The following ARHGAP20 variants were observed in gnomAD, a reference collection of about 807,000 sequenced individuals.
The protein encoded by ARHGAP20 is Rho GTPase activating protein 20, also known as rho GTPase-activating protein 20.
Under a neutral mutation model 73.7 loss-of-function variants are expected in ARHGAP20, and 34 were observed. The observed-to-expected ratio is 0.46, with a 90% CI of 0.35 to 0.61. ARHGAP20 has a LOEUF of 0.61. ARHGAP20 is among the 20% of genes least tolerant of loss of function. ARHGAP20 has a pLI of 0.00. For missense variants in ARHGAP20, 1,314 were observed against 1,420.9 expected (o/e 0.92, Z 1.21); for synonymous variants, 523 against 518.2 (o/e 1.01, Z -0.13).
At position 110,630,708 on chromosome 11, in the gene ARHGAP20, C is replaced by A. The variant is rs200094082; in HGVS notation, c.273G>T (p.Arg91=). The A allele has an allele frequency of 6.2e-7, 1 of 1,614,012 alleles. No homozygotes were observed. Among genetic ancestry groups the A allele is most frequent in the Admixed American group, 1.7e-5 (1 of 60,000 alleles). ...CSNRTLLIDG[R]AELKRGLQRQ... is the part of the protein sequence containing the mutation. Reference sequence around the variant, plus strand: ...TCTGGAGGCCTCTTTTGAGTTCTGCCCGGCCATCAATCAGCAGAGTCCTAT... The same window carrying A: ...TCTGGAGGCCTCTTTTGAGTTCTGCACGGCCATCAATCAGCAGAGTCCTAT... Residue 91 remains arginine (R), a synonymous_variant, in exon 3 of 15, where the codon CGG becomes CGT. Transcript: ENST00000683387.
At chr11:110,680,146 T>C (rs935356737) in intron 2 of ARHGAP20, among the ~76,000 whole-genome samples, 1 of 152,126 alleles carries the variant, frequency 6.6e-6, no homozygotes, top group African/African-American at 2.4e-5. Flanking sequence ...GCCAAATACA[T>C]TATAAAATTA....
At chr11:110,647,633 C>A (rs1357386570) in intron 2 of ARHGAP20, among the ~76,000 whole-genome samples, 2 of 151,774 alleles carry the variant, frequency 1.3e-5, no homozygotes, top group Non-Finnish European at 2.9e-5. Context: ...AAAGCCTACT[C>A]AATTTTTGGA....
At chr11:110,635,333 A>T (rs192606794) in intron 2 of ARHGAP20, among the ~76,000 whole-genome samples, 5 of 152,036 alleles carry the variant, frequency 3.3e-5, no homozygotes, top group Admixed American at 6.6e-5. Flanking sequence ...TGAATCAGAA[A>T]CTCTGGAGGG....
Position 110,638,750 on chromosome 11 carries a change from A to G in ARHGAP20, c.189-7958T>C, listed in dbSNP as rs187821590. Among the ~76,000 whole-genome samples, 716 of 150,648 alleles carry G rather than the reference A, an allele frequency of 4.8e-3. 2 individuals carry two copies. Among genetic ancestry groups the G allele is most frequent in the Middle Eastern group, 0.018 (5 of 282 alleles). ...TCATTCTCATCAGACTATCGCAAGG[A>G]CAAAAAACCAAACACCGCATGTTCT... On this transcript the variant is annotated intron_variant, in intron 2 of 14. Transcript: ENST00000683387.
chr11:110,633,947 G>A (rs957427604), intron 2 of ARHGAP20, among the ~76,000 whole-genome samples: 1 of 152,170 alleles, frequency 6.6e-6, no homozygotes, highest in African/African-American at 2.4e-5. Flanking sequence ...ACTGCCAAGG[G>A]AAGGAGCACA....
In ARHGAP20 at chr11:110,579,954, C is replaced by A. The variant is rs1780612053; in HGVS notation, c.2992G>T (p.Val998Phe). 1.2e-6 allele frequency: 2 copies of A among 1,614,224 alleles called. No individual in the cohort carries two copies. The highest frequency in any genetic ancestry group is 1.7e-6 in the Non-Finnish European group (2 of 1,180,034). Residue 998 changes from valine to phenylalanine, a missense_variant, in exon 15 of 15, where the codon GTT becomes TTT. Val to Phe is a conservative substitution (Grantham distance 50, BLOSUM62 -1). Transcript: ENST00000683387. ...LSPDFSNASHVSGMPGPSSGQ... is the reference protein window; with the variant it reads ...LSPDFSNASHFSGMPGPSSGQ... ...GATGAGGGACCGGGCATTCCGGAAACATGGCTGGCATTGCTAAAGTCAGGA... is the reference window on the plus strand; with the variant it reads ...GATGAGGGACCGGGCATTCCGGAAAAATGGCTGGCATTGCTAAAGTCAGGA...
chr11:110,688,785 T>G (rs1227097763), intron 2 of ARHGAP20, among the ~76,000 whole-genome samples: 1 of 152,142 alleles, frequency 6.6e-6, no homozygotes, highest in East Asian at 1.9e-4. Context: ...TAATTAAATT[T>G]TGATTAGGCA....
chr11:110,711,269 A>T lies in ARHGAP20; in HGVS notation c.105+858T>A, dbSNP rs368311733. ...AAGTTGTCACCTGCATCCCTCTCCC[A>T]GCTTTGACAGGGAACACGCGCTGCC... On this transcript the variant is annotated intron_variant, in intron 1 of 14. Transcript: ENST00000683387. Among the ~76,000 whole-genome samples, 24 of 152,122 alleles carry T rather than the reference A, an allele frequency of 1.6e-4. No homozygotes were observed. The East Asian group carries it at 4.5e-3, about 28-fold the overall frequency.
intron 9 of ARHGAP20, among the ~76,000 whole-genome samples, chr11:110,593,006 A>G (rs1825638333): frequency 6.6e-6 from 1 of 152,190 alleles, no homozygotes; most frequent in Non-Finnish European, 1.5e-5. Context: ...AAGTACTAAA[A>G]GCATTCAGAG....
At chr11:110,701,040 C>G (rs1950439341) in intron 1 of ARHGAP20, among the ~76,000 whole-genome samples, 1 of 151,476 alleles carries the variant, frequency 6.6e-6, no homozygotes. Flanking sequence ...AATAATGCCA[C>G]AATAAACATA....
At chr11:110,645,957 G>A (rs1017379825) in intron 2 of ARHGAP20, among the ~76,000 whole-genome samples, 1 of 151,890 alleles carries the variant, frequency 6.6e-6, no homozygotes, top group African/African-American at 2.4e-5. Flanking sequence ...TGGACACTGG[G>A]GACTATTAGA....
At chr11:110,632,243 T>C (rs1363031504) in intron 2 of ARHGAP20, among the ~76,000 whole-genome samples, 1 of 152,168 alleles carries the variant, frequency 6.6e-6, no homozygotes, top group Non-Finnish European at 1.5e-5. Context: ...AGTTTAATTT[T>C]AGAAAAACTA....
intron 1 of ARHGAP20, among the ~76,000 whole-genome samples, chr11:110,694,936 C>A (rs765619278): frequency 6.6e-6 from 1 of 151,612 alleles, no homozygotes; most frequent in Non-Finnish European, 1.5e-5. Flanking sequence ...CTTTAAGGGG[C>A]TCTGCTGGAA....
intron 1 of ARHGAP20, among the ~76,000 whole-genome samples, chr11:110,692,958 T>C (rs1950271451): frequency 6.6e-6 from 1 of 151,928 alleles, no homozygotes. Flanking sequence ...ATGGATTCCT[T>C]AGGGATTTAT....
At chr11:110,601,650 C>A (rs1306355484) in intron 9 of ARHGAP20, among the ~76,000 whole-genome samples, 3 of 152,036 alleles carry the variant, frequency 2.0e-5, no homozygotes, top group Non-Finnish European at 4.4e-5. Context: ...GAAAAAAATT[C>A]AAAAGAATAA....
intron 9 of ARHGAP20, 124 bp downstream of exon 9, chr11:110,606,437 C>T (rs1309260790): frequency 9.3e-7 from 1 of 1,069,536 alleles, no homozygotes; most frequent in Admixed American, 2.3e-5. Flanking sequence ...AAAAGTCCAT[C>T]TTTCCTTTTC....
intron 2 of ARHGAP20, among the ~76,000 whole-genome samples, chr11:110,641,462 A>G (rs1393981594): frequency 1.3e-5 from 2 of 152,100 alleles, no homozygotes. Context: ...TTTTATGAGC[A>G]TTGTCTCTAA....
At position 110,687,035 on chromosome 11, in the gene ARHGAP20, C is replaced by CATATATATATATATATATATATATATAT. The variant is rs142490183; in HGVS notation, c.188+3511_188+3512insATATATATATATATATATATATATATAT. ...GCAGGAAATTAACTGAAGATTAAAA[C>CATATATATATATATATATATATATATAT]ATATATATATATATATATATAGACA... On this transcript the variant is annotated intron_variant, in intron 2 of 14. Transcript: ENST00000683387. 4.1e-3 allele frequency among the ~76,000 whole-genome samples: 504 copies of CATATATATATATATATATATATATATAT among 121,624 alleles called. 5 individuals carry two copies. The highest frequency in any genetic ancestry group is 9.9e-3 in the South Asian group (33 of 3,338). 79.8% of individuals were successfully genotyped at this position (121,624 alleles called of 152,430 possible).
Position 110,577,274 on chromosome 11 carries a change from A to G in ARHGAP20, c.*2096T>C. The G allele has an allele frequency of 7.2e-7, 1 of 1,395,694 alleles. No individual in the cohort carries two copies. 86.5% of individuals were successfully genotyped at this position (1,395,694 alleles called of 1,614,324 possible). Reference sequence around the variant, plus strand: ...AGTCTAATATATTATAGATTGATGGAGTATAATAAAATGACATATAGTCTG... The same window carrying G: ...AGTCTAATATATTATAGATTGATGGGGTATAATAAAATGACATATAGTCTG... On this transcript the variant is annotated 3_prime_UTR_variant, in exon 15 of 15. Coordinates refer to ENST00000683387, the MANE Select transcript of ARHGAP20 (RefSeq NM_001384657.1).
Sources: allele counts gnomAD v4.1 joint callset (sites outside exome capture counted in the v4.1 genomes callset), GRCh38; gene constraint gnomAD v4.1.1; transcripts MANE v1.5; gene names NCBI Gene and HGNC (gene_info 2026-07-23, HGNC 2026-07-21).